Variants in IQSEC1 observed in about 807,000 individuals in gnomAD.
IQSEC1 encodes the protein IQ motif and Sec7 domain ArfGEF 1.
Under a neutral mutation model 91.0 loss-of-function variants are expected in IQSEC1, and 31 were observed. The ratio of observed to expected loss-of-function variants is 0.34; its 90% CI spans 0.26 to 0.46. The LOEUF is 0.46. Among genes scored for constraint, IQSEC1 ranks in the 20% least tolerant of loss-of-function variants. The pLI is 1.00. For missense variants in IQSEC1, 1,388 were observed against 1,575.6 expected, an observed-to-expected ratio of 0.88 and a Z score of 2.02; for synonymous variants, 699 against 662.6, an observed-to-expected ratio of 1.05 and a Z score of -0.84.
At chr3:13,026,518 GA>G (rs1703618831) in intron 1 of IQSEC1, among the ~76,000 whole-genome samples, 1 of 152,230 alleles carries the variant, frequency 6.6e-6, no homozygotes, top group Non-Finnish European at 1.5e-5. Flanking sequence ...ATCACTTGAG[GA>G]TTTGGTGAAC....
chr3:13,152,599 G>A (rs1707017359), intron 2 of IQSEC1, among the ~76,000 whole-genome samples: 1 of 152,264 alleles, frequency 6.6e-6, no homozygotes, highest in African/African-American at 2.4e-5. Context: ...AGCTGGGCGT[G>A]GTGGCTCACG....
intron 2 of IQSEC1, among the ~76,000 whole-genome samples, chr3:13,162,324 G>A (rs979397107): frequency 2.0e-5 from 3 of 152,222 alleles, no homozygotes; most frequent in Non-Finnish European, 2.9e-5. Context: ...AGGCAGGCCA[G>A]GGAGGGCCTG....
chr3:12,924,738 G>C lies in IQSEC1; in HGVS notation c.1573C>G (p.Pro525Ala). 1 of 1,570,580 alleles carries C rather than the reference G, an allele frequency of 6.4e-7. No homozygotes were observed. The highest frequency in any genetic ancestry group is 8.7e-7 in the Non-Finnish European group (1 of 1,153,812). Reference protein sequence around the residue: ...RIGLNLFNKKPEKGVQYLIER... With the variant: ...RIGLNLFNKKAEKGVQYLIER... ...ATGAGGTACTGGACTCCCTTCTCAG[G>C]CTTCCTGGGGTAGGACGAGAGGCAC... The change falls in exon 4 of 14, where the codon CCT becomes GCT. Residue 525 changes from proline to alanine, a missense_variant. Around this residue, in one of 2 missense-constraint regions of IQSEC1, gnomAD observed 1,059 missense variants for 1,317.8 expected, o/e 0.80. Coordinates refer to ENST00000613206, the MANE Select transcript of IQSEC1 (RefSeq NM_001134382.3). This position sits in a 1 kb window ranked among gnomAD's most constrained non-coding sequence, Gnocchi z 6.3.
At position 12,901,066 on chromosome 3, in the gene IQSEC1, C is replaced by G. The variant is rs1331572931; in HGVS notation, c.3262G>C (p.Val1088Leu). ...PLPSAHVGHT[V>L]HHHGQPPAPP... ...GCAGGGGGCTGCCCATGGTGGTGCA[C>G]TGTGTGCCCCACGTGGGCCGAGGGC... Residue 1088 changes from valine to leucine, a missense_variant, in exon 14 of 14, where the codon GTG (valine) becomes CTG (leucine). Physicochemically the swap from Val to Leu is conservative, Grantham distance 32. Around this residue, in one of 2 missense-constraint regions of IQSEC1, gnomAD observed 329 missense variants for 257.8 expected, o/e 1.28. Transcript: ENST00000613206. The G allele has an allele frequency of 9.1e-6, 14 of 1,540,776 alleles. No homozygotes were observed. The highest frequency in any genetic ancestry group is 1.2e-5 in the Non-Finnish European group (14 of 1,145,526).
chr3:13,165,728 G>A (rs911347739), intron 1 of IQSEC1, among the ~76,000 whole-genome samples: 1 of 152,010 alleles, frequency 6.6e-6, no homozygotes, highest in African/African-American at 2.4e-5. Context: ...CCCAGAAGCA[G>A]ATTTTCCACC....
chr3:13,242,311 C>T (rs894270773), intron 1 of IQSEC1, among the ~76,000 whole-genome samples: 6 of 152,206 alleles, frequency 3.9e-5, no homozygotes, highest in Admixed American at 6.5e-5. Context: ...GCTGTCACTG[C>T]GAAGGTGACC....
At chr3:13,157,513 TG>T (rs1324636817) in intron 2 of IQSEC1, among the ~76,000 whole-genome samples, 1 of 152,142 alleles carries the variant, frequency 6.6e-6, no homozygotes, top group African/African-American at 2.4e-5. Context: ...TGAACACAGC[TG>T]AAGAAAGCAC....
intron 2 of IQSEC1, among the ~76,000 whole-genome samples, chr3:13,096,903 C>T (rs1304473836): frequency 6.6e-6 from 1 of 151,364 alleles, no homozygotes; most frequent in Non-Finnish European, 1.5e-5. Flanking sequence ...CTCTGTTGCC[C>T]AGGCTGGAGT....
chr3:12,993,426 T>C (rs1301047840), intron 1 of IQSEC1, among the ~76,000 whole-genome samples: 1 of 119,666 alleles, frequency 8.4e-6, no homozygotes, highest in Non-Finnish European at 1.7e-5. Flanking sequence ...CTGGACGCGG[T>C]GGCGGGATTT....
At chr3:13,109,374 A>C (rs966523739) in intron 2 of IQSEC1, among the ~76,000 whole-genome samples, 8 of 152,140 alleles carry the variant, frequency 5.3e-5, no homozygotes, top group Non-Finnish European at 1.0e-4. Flanking sequence ...GAGTGTGTGG[A>C]TAGACAGAGC....
intron 1 of IQSEC1, among the ~76,000 whole-genome samples, chr3:13,004,999 A>G (rs1702575056): frequency 6.6e-6 from 1 of 152,194 alleles, no homozygotes; most frequent in Non-Finnish European, 1.5e-5. Context: ...GGTAGACCAA[A>G]CAAATACTAT....
intron 2 of IQSEC1, among the ~76,000 whole-genome samples, chr3:13,126,853 T>C (rs1314280186): frequency 6.6e-6 from 1 of 152,258 alleles, no homozygotes; most frequent in Non-Finnish European, 1.5e-5. Flanking sequence ...ATTTTGCTTT[T>C]ATAGATCATG....
At position 13,026,875 on chromosome 3, in the gene IQSEC1, TTTTGTTTG is replaced by T. The variant is rs1200060263; in HGVS notation, c.23+46109_23+46116del. ...TTATTATCTCCCCAGTTTTTTTTTTTTTTGTTTGTTTTTTTTTTTACCAATTAATAAAC... is the reference window on the plus strand; with the variant it reads ...TTATTATCTCCCCAGTTTTTTTTTTTTTTTTTTTTTTACCAATTAATAAAC... On this transcript the variant is annotated intron_variant, in intron 1 of 13. Coordinates refer to ENST00000613206, the MANE Select transcript of IQSEC1 (RefSeq NM_001134382.3). 3.6e-3 allele frequency among the ~76,000 whole-genome samples: 200 copies of T among 55,294 alleles called. 2 individuals carry two copies. The highest frequency in any genetic ancestry group is 7.2e-3 in the African/African-American group (177 of 24,484). 36.3% of individuals were successfully genotyped at this position (55,294 alleles called of 152,430 possible). A position where few individuals can be genotyped will look rare whatever the true frequency, so the allele number is the denominator to read the frequency against.
chr3:13,132,191 GT>G (rs1706632656), intron 2 of IQSEC1, among the ~76,000 whole-genome samples: 1 of 152,188 alleles, frequency 6.6e-6, no homozygotes. Flanking sequence ...TTAGCGGCTT[GT>G]TTTTAAGCTT....
intron 1 of IQSEC1, among the ~76,000 whole-genome samples, chr3:13,176,446 G>T (rs960431657): frequency 6.6e-6 from 1 of 152,140 alleles, no homozygotes; most frequent in Admixed American, 6.5e-5. Flanking sequence ...CTGACCCTTG[G>T]GAGCCTCTGC....
At chr3:12,904,947 T>TG (rs777800006) in intron 12 of IQSEC1, among the ~76,000 whole-genome samples, 2 of 152,188 alleles carry the variant, frequency 1.3e-5, no homozygotes, top group Non-Finnish European at 2.9e-5. Flanking sequence ...TTGGCTGTTT[T>TG]GGAGTGACGC....
At chr3:13,125,642 T>C (rs959231377) in intron 2 of IQSEC1, among the ~76,000 whole-genome samples, 1 of 152,362 alleles carries the variant, frequency 6.6e-6, no homozygotes, top group Middle Eastern at 3.4e-3. Context: ...CTCTGGGTCT[T>C]AGTTTCATTT....
intron 1 of IQSEC1, among the ~76,000 whole-genome samples, chr3:13,040,415 A>G (rs1704216156): frequency 6.6e-6 from 1 of 152,188 alleles, no homozygotes; most frequent in Non-Finnish European, 1.5e-5. Context: ...TTTGTCTTTC[A>G]GGCACAGTCA....
rs991783758 is a variant in IQSEC1 at position 13,219,266 on chromosome 3, G to A, written c.273-55133C>T. 2.6e-5 allele frequency among the ~76,000 whole-genome samples: 4 copies of A among 152,184 alleles called. No homozygotes were observed. In the South Asian group the frequency reaches 8.3e-4, roughly 32 times the overall value. On this transcript the variant is annotated intron_variant, in intron 1 of 15. Coordinates refer to the IQSEC1 transcript ENST00000648114. ...TGGTGCTCCTGACACCTGCTCCCAAGTTCACTGGTAAGAGGAAGCCGAAGG... is the reference window on the plus strand; with the variant it reads ...TGGTGCTCCTGACACCTGCTCCCAAATTCACTGGTAAGAGGAAGCCGAAGG...
Sources: gnomAD v4.1 joint callset for allele counts (sites outside exome capture counted in the v4.1 genomes callset) on GRCh38, gnomAD v4.1.1 for gene constraint, gnomAD v4.1.1 regional missense constraint, Gnocchi (gnomAD v3.1) non-coding constraint, MANE v1.5 for transcripts, NCBI Gene and HGNC (gene_info 2026-07-23, HGNC 2026-07-21) for gene names.